Variants in STAG3 observed in about 807,000 individuals in gnomAD.
The protein encoded by STAG3 is cohesin subunit SA-3.
In STAG3, 101 loss-of-function variants were observed where a neutral mutation model predicts 160.7. The observed-to-expected ratio is 0.63, with a 90% CI of 0.54 to 0.74. STAG3 has a LOEUF of 0.74. Ranked by LOEUF, STAG3 falls within the 30% of genes least tolerant of loss-of-function variation. The pLI, the probability that STAG3 is intolerant of heterozygous loss-of-function variation, is 0.00. For synonymous variants in STAG3, 519 were observed against 585.0 expected, an observed-to-expected ratio of 0.89 and a Z score of 1.63; for missense variants, 1,188 against 1,517.4, an observed-to-expected ratio of 0.78 and a Z score of 3.61.
At chr7:100,211,604 G>C (rs1802215009) in intron 31 of STAG3, 65 bp downstream of exon 31, 1 of 1,562,614 alleles carries the variant, frequency 6.4e-7, no homozygotes, top group Non-Finnish European at 8.8e-7. Flanking sequence ...GGGGATTCCT[G>C]TCTCACCCAT....
chr7:100,180,845 T>C, intron 2 of STAG3, 173 bp downstream of exon 2: 1 of 539,286 alleles, frequency 1.9e-6, no homozygotes. Context: ...TTGGCGGTCC[T>C]AGATGTTGTA....
chr7:100,188,375 C>T (rs1411044772), intron 5 of STAG3, 78 bp from the exon 6 acceptor site: 3 of 977,128 alleles, frequency 3.1e-6, no homozygotes, highest in African/African-American at 3.2e-5. Context: ...TTTCCTTGCT[C>T]ATCTTCAGGT....
rs879047731 is a variant in STAG3 at position 100,202,436 on chromosome 7, G to C, written c.2564-18G>C. 1 of 1,611,730 alleles carries C rather than the reference G, an allele frequency of 6.2e-7. No homozygotes were observed. The highest frequency in any genetic ancestry group is 1.1e-5 in the South Asian group (1 of 91,000). On this transcript the variant is annotated intron_variant, in intron 24 of 33. Transcript: ENST00000615138. ...AAGCTTAAGTCTGTGATTCCCTTTT[G>C]CCTTCCATGTGAGCCAGGTGATTCC...
At chr7:100,205,427 C>G (rs756051658) in intron 29 of STAG3, 43 bp downstream of exon 29, 13 of 1,540,712 alleles carry the variant, frequency 8.4e-6, no homozygotes, top group Non-Finnish European at 1.1e-5. Flanking sequence ...AGCAGGTGGT[C>G]GTTGGCTGCC....
At position 100,201,960 on chromosome 7, in the gene STAG3, G is replaced by A. The variant is rs766453839; in HGVS notation, c.2313G>A (p.Ser771=). The change falls in exon 23 of 34, where the codon TCG becomes TCA. Residue 771 remains serine, a synonymous_variant. Transcript: ENST00000615138. ...CACTGTGCCCACAGAAGCAGCTGTC[G>A]AGTTTGAGGGACAGAATGGTGGCCT... is the stretch of plus-strand genomic sequence containing the variant. ...SKSDASQKQL[S]SLRDRMVAFC... The A allele has an allele frequency of 5.0e-6, 8 of 1,614,100 alleles. No homozygotes were observed. In the South Asian group the frequency reaches 6.6e-5, roughly 13 times the overall value.
At chr7:100,199,745 C>G in intron 16 of STAG3, 101 bp downstream of exon 16, 1 of 905,900 alleles carries the variant, frequency 1.1e-6, no homozygotes, top group Non-Finnish European at 1.7e-6. Flanking sequence ...TCCTTCTACC[C>G]TTTAAAGAAT....
At chr7:100,194,078 G>C (rs1800525198) in intron 8 of STAG3, among the ~76,000 whole-genome samples, 1 of 151,626 alleles carries the variant, frequency 6.6e-6, no homozygotes, top group Admixed American at 6.6e-5. Flanking sequence ...CTCCTGAGTA[G>C]GTGGGGTTAT....
intron 4 of STAG3, 28 bp downstream of exon 4, chr7:100,182,867 A>G (rs1293409864): frequency 6.2e-7 from 1 of 1,613,026 alleles, no homozygotes. Context: ...CTCTGTTGAT[A>G]CCATCTCACT....
intron 9 of STAG3, 131 bp from the exon 10 acceptor site, chr7:100,197,025 A>G (rs1026168949): frequency 3.5e-5 from 24 of 691,106 alleles, no homozygotes; most frequent in Non-Finnish European, 6.0e-5. Context: ...CGGGAGGAAG[A>G]AATGAAAGGC....
At chr7:100,197,643 C>A in intron 10 of STAG3, 135 bp from the exon 11 acceptor site, 1 of 767,506 alleles carries the variant, frequency 1.3e-6, no homozygotes, top group South Asian at 1.5e-5. Context: ...TTGTTTCTGA[C>A]ATCTTAAGAG....
chr7:100,211,237 C>T (rs1482199377), intron 30 of STAG3, 52 bp downstream of exon 30: 1 of 1,530,288 alleles, frequency 6.5e-7, no homozygotes, highest in South Asian at 1.3e-5. Context: ...TGGTGTCTGG[C>T]TGCCTCCATC....
intron 4 of STAG3, among the ~76,000 whole-genome samples, chr7:100,185,047 CT>C (rs755102157): frequency 1.5e-3 from 218 of 145,564 alleles, no homozygotes; most frequent in South Asian, 6.9e-3. Flanking sequence ...TCCAGAATCA[CT>C]TTTTTTTTTT....
intron 8 of STAG3, 72 bp downstream of exon 8, chr7:100,189,668 T>C: frequency 6.5e-7 from 1 of 1,536,726 alleles, no homozygotes; most frequent in Non-Finnish European, 8.8e-7. Context: ...GACCCCCTTA[T>C]CAGGCCCTGG....
intron 5 of STAG3, 142 bp from the exon 6 acceptor site, chr7:100,188,311 C>A: frequency 1.3e-6 from 1 of 755,270 alleles, no homozygotes; most frequent in Non-Finnish European, 2.5e-6. Flanking sequence ...TGGATGTTGG[C>A]AGACTGTTGA....
Position 100,205,019 on chromosome 7 carries a change from TCTC to T in STAG3, c.2969_2971del (p.Ser990del), listed in dbSNP as rs1345770800. ...GCCCAACCAAGGGAAGGCATCCAGT[TCTC>T]CTTGTCTGAGCTTCCTCCAGCTGGC... On this transcript the variant is annotated inframe_deletion, in exon 28 of 34. Transcript: ENST00000615138. The T allele has an allele frequency of 1.1e-5, 17 of 1,613,430 alleles. No homozygotes were observed. The highest frequency in any genetic ancestry group is 6.7e-5 in the African/African-American group (5 of 74,824).
Position 100,200,543 on chromosome 7 carries a change from G to T in STAG3, c.1860+1G>T. The T allele has an allele frequency of 6.2e-7, 1 of 1,613,868 alleles. No homozygotes were observed. ...CTACTGCACTGGGCGCTTGGAGAAG[G>T]TAGGGAGATAGATTTCCTATACCTT... On this transcript the variant is annotated splice_donor_variant, in intron 18 of 33. Transcript: ENST00000615138. LOFTEE classifies it high-confidence loss of function.
Position 100,207,305 on chromosome 7 carries a change from A to G in STAG3, c.3238+1921A>G, listed in dbSNP as rs1388737637. 6.6e-6 allele frequency among the ~76,000 whole-genome samples: 1 copy of G among 152,214 alleles called. No homozygotes were observed. The highest frequency in any genetic ancestry group is 2.4e-5 in the African/African-American group (1 of 41,456). ...TTGAGGAACTACCACACTGTTTTCC[A>G]AAGTACCTACACCAGTTTACAATCC... On this transcript the variant is annotated intron_variant, in intron 29 of 33. Transcript: ENST00000615138. The surrounding 1 kb of genome is among the most constrained non-coding windows in gnomAD (Gnocchi z 4.0).
chr7:100,190,856 A>G (rs544432689), intron 8 of STAG3, among the ~76,000 whole-genome samples: 3 of 152,292 alleles, frequency 2.0e-5, no homozygotes, highest in African/African-American at 4.8e-5. Context: ...TCCTAAAGCC[A>G]GTAGCCTTTT....
In STAG3 at chr7:100,211,160, G is replaced by A; in HGVS notation, c.3388G>A (p.Gly1130Ser). 4 of 1,442,282 alleles carry A rather than the reference G, an allele frequency of 2.8e-6. No individual in the cohort carries two copies. The highest frequency in any genetic ancestry group is 3.7e-6 in the Non-Finnish European group (4 of 1,073,674). The allele number at this position is 1,442,282 out of a possible 1,614,324, so 89.3% of individuals were successfully genotyped here. ...GTTGAAAGAGATGGAGGAAGAAGAT[G>A]GCTCAGAGTTGGATTTTGCCCAGGG... Reference protein sequence around the residue: ...WGLKEMEEEDGSELDFAQGSQ... With the variant: ...WGLKEMEEEDSSELDFAQGSQ... Residue 1130 changes from glycine (G) to serine (S), a missense_variant, in exon 30 of 34, where the codon GGC becomes AGC. Gly to Ser is a moderately conservative substitution (Grantham distance 56, BLOSUM62 0). Around this residue, in one of 4 missense-constraint regions of STAG3, gnomAD observed 647 missense variants for 717.2 expected, o/e 0.90. Coordinates refer to ENST00000615138, the MANE Select transcript of STAG3 (RefSeq NM_001282717.2).
Sources: gnomAD v4.1 joint callset for allele counts (sites outside exome capture counted in the v4.1 genomes callset) on GRCh38, gnomAD v4.1.1 for gene constraint, gnomAD v4.1.1 regional missense constraint, Gnocchi (gnomAD v3.1) non-coding constraint, MANE v1.5 for transcripts, NCBI Gene and HGNC (gene_info 2026-07-23, HGNC 2026-07-21) for gene names.